KLF17: variants seen among roughly 807,000 people sequenced by gnomAD.
KLF17 encodes the protein KLF transcription factor 17.
A neutral mutation model predicts 34.2 loss-of-function variants in KLF17; 31 were observed. The observed-to-expected ratio is 0.91, with a 90% CI of 0.68 to 1.22. The LOEUF is 1.22. KLF17 is among the 50% of genes most tolerant of loss of function. The pLI, the probability that KLF17 is intolerant of heterozygous loss-of-function variation, is 0.00. For synonymous variants in KLF17, 179 were observed against 186.7 expected (o/e 0.96, Z 0.34); for missense variants, 478 against 505.2 (o/e 0.95, Z 0.52).
rs910653605 is a variant in KLF17, at chr1:44,134,232, T to C, written c.*995T>C. The C allele has an allele frequency of 1.3e-5, 2 of 152,292 alleles. No individual in the cohort carries two copies. Among genetic ancestry groups the C allele is most frequent in the African/African-American group, 4.8e-5 (2 of 41,446 alleles). The allele number at this position is 152,292 out of a possible 1,614,324, so 9.4% of individuals were successfully genotyped here. A position where few individuals can be genotyped will look rare whatever the true frequency, so the allele number is the denominator to read the frequency against. ...CAATCTAGCGGAGAAAGGATGTTAC[T>C]AGAAGTACACAAATTGGGCCCGGCG... On this transcript the variant is annotated 3_prime_UTR_variant, in exon 4 of 4. Transcript: ENST00000372299.
chr1:44,117,586 C>T (rs566991312), upstream of KLF17, among the ~76,000 whole-genome samples: 4 of 151,848 alleles, frequency 2.6e-5, no homozygotes, highest in South Asian at 4.2e-4. Context: ...ACCTCCACCA[C>T]CCGGATTCAA....
At chr1:44,082,895 G>A in the KLF17 span, among the ~76,000 whole-genome samples, 1 of 149,532 alleles carries the variant, frequency 6.7e-6, no homozygotes, top group African/African-American at 2.5e-5. Flanking sequence ...TTGGTCTCTT[G>A]TTCATAGAGC....
At chr1:44,098,561 T>C in the KLF17 span, among the ~76,000 whole-genome samples, 1 of 125,192 alleles carries the variant, frequency 8.0e-6, no homozygotes, top group Non-Finnish European at 1.8e-5. Flanking sequence ...TTTTTTTTTT[T>C]TTTTTCTGAG....
At chr1:44,126,146 C>T (rs1005068383) in intron 1 of KLF17, among the ~76,000 whole-genome samples, 2 of 152,172 alleles carry the variant, frequency 1.3e-5, no homozygotes, top group Admixed American at 1.3e-4. Context: ...GCCTCAGCCT[C>T]CTGAGTAGCT....
chr1:44,045,734 T>C, the KLF17 span, among the ~76,000 whole-genome samples: 1 of 152,156 alleles, frequency 6.6e-6, no homozygotes, highest in Admixed American at 6.5e-5. Flanking sequence ...ACTATTTCAC[T>C]CAAATGCTTT....
chr1:44,054,741 A>G, the KLF17 span, among the ~76,000 whole-genome samples: 2 of 147,438 alleles, frequency 1.4e-5, no homozygotes, highest in African/African-American at 2.5e-5. Flanking sequence ...TTGGCCTCCC[A>G]GAGTGCTGGG....
upstream of KLF17, among the ~76,000 whole-genome samples, chr1:44,118,159 A>C (rs1198667712): frequency 6.6e-6 from 1 of 152,156 alleles, no homozygotes; most frequent in South Asian, 2.1e-4. Context: ...CATAGCACTC[A>C]CCACCACCTA....
In KLF17 at chr1:44,130,726, G is replaced by T; in HGVS notation, c.1140G>T (p.Glu380Asp). The change falls in exon 3 of 4, where the codon GAG becomes GAT. Residue 380 changes from glutamate to aspartate, a missense_variant. Physicochemically the swap from Glu to Asp is conservative, Grantham distance 45. Coordinates refer to ENST00000372299, the MANE Select transcript of KLF17 (RefSeq NM_173484.4). ...SDPQANNNNG[E>D]QDSPPAAGP ...CACAGGCCAACAACAACAATGGAGA[G>T]CAGGACAGTCCTCCTGCTGCTGGTC... is the stretch of plus-strand genomic sequence containing the variant. The T allele has an allele frequency of 6.2e-7, 1 of 1,614,108 alleles. No individual in the cohort carries two copies. The highest frequency in any genetic ancestry group is 8.5e-7 in the Non-Finnish European group (1 of 1,179,980).
chr1:44,097,517 C>T, the KLF17 span, among the ~76,000 whole-genome samples: 1 of 152,026 alleles, frequency 6.6e-6, no homozygotes, highest in African/African-American at 2.4e-5. Context: ...GTGCAGCAAA[C>T]CACCATGGCA....
At chr1:44,044,357 G>GT in the KLF17 span, among the ~76,000 whole-genome samples, 1 of 152,230 alleles carries the variant, frequency 6.6e-6, no homozygotes, top group East Asian at 1.9e-4. Flanking sequence ...GTGACTCAGG[G>GT]TTTGAGGGAC....
At chr1:44,058,686 T>A in the KLF17 span, among the ~76,000 whole-genome samples, 5 of 88,282 alleles carry the variant, frequency 5.7e-5, no homozygotes, top group African/African-American at 1.9e-4. Flanking sequence ...TTTTTTTTTT[T>A]TTTTTTTTTT....
the KLF17 span, among the ~76,000 whole-genome samples, chr1:44,054,308 G>A: frequency 1.3e-5 from 2 of 152,016 alleles, no homozygotes; most frequent in South Asian, 2.1e-4. Flanking sequence ...AGAGGAAGAG[G>A]CAAAAGCCAA....
At chr1:44,045,649 C>G in the KLF17 span, among the ~76,000 whole-genome samples, 1 of 152,328 alleles carries the variant, frequency 6.6e-6, no homozygotes, top group Middle Eastern at 3.4e-3. Context: ...AATAGTTAAA[C>G]AGTTGCCAGC....
the KLF17 span, among the ~76,000 whole-genome samples, chr1:44,066,416 G>A: frequency 6.8e-6 from 1 of 146,888 alleles, no homozygotes; most frequent in Admixed American, 6.8e-5. Context: ...TTAAGAGATG[G>A]GGTCTTGATA....
the KLF17 span, among the ~76,000 whole-genome samples, chr1:44,086,056 A>G: frequency 6.6e-6 from 1 of 152,222 alleles, no homozygotes; most frequent in Non-Finnish European, 1.5e-5. Flanking sequence ...GCAAGAGCAG[A>G]CTAGCCCTGG....
At chr1:44,080,934 C>G in the KLF17 span, among the ~76,000 whole-genome samples, 1 of 151,608 alleles carries the variant, frequency 6.6e-6, no homozygotes, top group Non-Finnish European at 1.5e-5. Flanking sequence ...AACCTGGTCT[C>G]GAACTCCTGG....
chr1:44,087,757 TATATATATATATACACACAC>T, the KLF17 span, among the ~76,000 whole-genome samples: 21 of 53,628 alleles, frequency 3.9e-4, no homozygotes, highest in Middle Eastern at 7.8e-3. Flanking sequence ...TATATATATA[TATATATATATATACACACAC>T]ACACACACAC....
chr1:44,112,437 G>C, the KLF17 span, among the ~76,000 whole-genome samples: 133,530 of 152,046 alleles, frequency 0.88, 59,050 homozygotes, highest in Non-Finnish European at 0.93. Flanking sequence ...CAGGGTCTCA[G>C]TCTTTTTGTC....
At chr1:44,078,845 T>C in the KLF17 span, among the ~76,000 whole-genome samples, 1 of 152,070 alleles carries the variant, frequency 6.6e-6, no homozygotes, top group Non-Finnish European at 1.5e-5. Flanking sequence ...CAGTGGACCG[T>C]TTCCTTCCTG....
Sources: gnomAD v4.1 joint callset for allele counts (sites outside exome capture counted in the v4.1 genomes callset) on GRCh38, gnomAD v4.1.1 for gene constraint, MANE v1.5 for transcripts, NCBI Gene and HGNC (gene_info 2026-07-23, HGNC 2026-07-21) for gene names.